UBR3: variants seen among roughly 807,000 people sequenced by gnomAD.
The protein encoded by UBR3 is ubiquitin protein ligase E3 component n-recognin 3, also known as E3 ubiquitin-protein ligase UBR3.
A neutral mutation model predicts 243.2 loss-of-function variants in UBR3; 85 were observed. The observed-to-expected ratio is 0.35, with a 90% CI of 0.29 to 0.42. UBR3 has a LOEUF of 0.42. UBR3 is among the 10% of genes least tolerant of loss of function. The probability of loss-of-function intolerance (pLI) is 1.00; values close to 1 mark genes in which losing one functional copy is unlikely to be tolerated. For missense variants in UBR3, 1,686 were observed against 2,300.8 expected (o/e 0.73, Z 5.47); for synonymous variants, 748 against 799.8 (o/e 0.94, Z 1.09).
intron 29 of UBR3, among the ~76,000 whole-genome samples, chr2:170,011,932 T>G (rs1490797463): frequency 1.3e-5 from 2 of 152,142 alleles, no homozygotes; most frequent in African/African-American, 4.8e-5. Context: ...ATGACATGAA[T>G]TTCAGTAACT....
Position 170,065,802 on chromosome 2 carries a change from G to T in UBR3, c.5019+4359G>T, listed in dbSNP as rs1187585438. Among the ~76,000 whole-genome samples the T allele has an allele frequency of 2.6e-5, 4 of 151,704 alleles. No individual in the cohort carries two copies. In the East Asian group the frequency reaches 7.7e-4, roughly 29 times the overall value. ...ATAACTTGCCTTTTTACTATTTTAG[G>T]TATTCTATATAATTATGATCATATA... is the stretch of plus-strand genomic sequence containing the variant. On this transcript the variant is annotated intron_variant, in intron 35 of 38. Coordinates refer to ENST00000272793, the MANE Select transcript of UBR3 (RefSeq NM_172070.4).
intron 30 of UBR3, among the ~76,000 whole-genome samples, chr2:170,021,316 G>C (rs1243972003): frequency 6.6e-6 from 1 of 152,032 alleles, no homozygotes; most frequent in Non-Finnish European, 1.5e-5. Flanking sequence ...AGACTGGGTG[G>C]CTTATATACA....
chr2:169,827,506 T>A lies in UBR3; in HGVS notation c.-2T>A. 8.1e-7 allele frequency: 1 copy of A among 1,229,242 alleles called. No individual in the cohort carries two copies. Among genetic ancestry groups the A allele is most frequent in the Middle Eastern group, 3.1e-4 (1 of 3,198 alleles). The allele number at this position is 1,229,242 out of a possible 1,614,324, so 76.1% of individuals were successfully genotyped here. A position where few individuals can be genotyped will look rare whatever the true frequency, so the allele number is the denominator to read the frequency against. ...GGACTCTCCAAATTCTGAGCTCTCA[T>A]CATGGCGGCGGCGGCCGCGGCGGCC... On this transcript the variant is annotated 5_prime_UTR_variant, in exon 1 of 39. Transcript: ENST00000272793.
At chr2:169,845,516 G>T (rs1252337109) in intron 1 of UBR3, among the ~76,000 whole-genome samples, 1 of 145,720 alleles carries the variant, frequency 6.9e-6, no homozygotes, top group Non-Finnish European at 1.5e-5. Context: ...CGTCGTCGTC[G>T]TCGTCGTCGT....
chr2:169,927,708 G>A (rs1312358893), intron 17 of UBR3, among the ~76,000 whole-genome samples: 2 of 151,894 alleles, frequency 1.3e-5, no homozygotes, highest in Non-Finnish European at 2.9e-5. Context: ...ATTACTGAAC[G>A]TTTTATAAAA....
intron 11 of UBR3, among the ~76,000 whole-genome samples, chr2:169,920,456 T>TA (rs1398521179): frequency 2.4e-4 from 7 of 29,650 alleles, no homozygotes; most frequent in Non-Finnish European, 4.8e-4. Context: ...CCCTAAAACT[T>TA]AAAGTATAAT....
intron 13 of UBR3, 85 bp downstream of exon 13, chr2:169,924,258 T>C (rs2085818290): frequency 1.9e-6 from 2 of 1,032,600 alleles, no homozygotes; most frequent in Non-Finnish European, 2.7e-6. Context: ...TTCATTGTTA[T>C]TATAGCTGAG....
At chr2:169,843,464 C>T (rs2082365545) in intron 1 of UBR3, among the ~76,000 whole-genome samples, 1 of 152,156 alleles carries the variant, frequency 6.6e-6, no homozygotes, top group East Asian at 1.9e-4. Context: ...GAGGGCAGAC[C>T]CCTAATGATG....
At position 170,027,323 on chromosome 2, in the gene UBR3, A is replaced by T. The variant is rs570221843; in HGVS notation, c.4454-2023A>T. ...AATATCATTTAAATATCATTTAAAG[A>T]TGATATAATATCATCTTTCTGGTCT... On this transcript the variant is annotated intron_variant, in intron 30 of 38. Transcript: ENST00000272793. Among the ~76,000 whole-genome samples, 34 of 151,606 alleles carry T rather than the reference A, an allele frequency of 2.2e-4. No homozygotes were observed. The South Asian group carries it at 7.1e-3, about 32-fold the overall frequency.
intron 1 of UBR3, among the ~76,000 whole-genome samples, chr2:169,829,672 G>A (rs186695506): frequency 6.6e-6 from 1 of 152,126 alleles, no homozygotes; most frequent in Non-Finnish European, 1.5e-5. Flanking sequence ...TGATCCGCCC[G>A]CGTCGGCCTC....
intron 33 of UBR3, among the ~76,000 whole-genome samples, chr2:170,060,223 A>G (rs534973799): frequency 6.6e-6 from 1 of 152,102 alleles, no homozygotes; most frequent in African/African-American, 2.4e-5. Flanking sequence ...GGTAATTTGC[A>G]TGTTACACTT....
intron 1 of UBR3, among the ~76,000 whole-genome samples, chr2:169,828,543 C>T (rs1329377113): frequency 1.3e-5 from 2 of 151,710 alleles, no homozygotes; most frequent in African/African-American, 2.4e-5. Flanking sequence ...CAGGGAAGGA[C>T]GCTTGAGGAA....
intron 1 of UBR3, among the ~76,000 whole-genome samples, chr2:169,829,876 T>G (rs1030503718): frequency 6.6e-5 from 10 of 151,772 alleles, no homozygotes; most frequent in Middle Eastern, 3.4e-3. Context: ...TCACATCTAG[T>G]CTTCTATCTG....
At chr2:170,022,331 A>G (rs1381646492) in intron 30 of UBR3, among the ~76,000 whole-genome samples, 2 of 152,174 alleles carry the variant, frequency 1.3e-5, no homozygotes, top group South Asian at 2.1e-4. Flanking sequence ...CAGGAGAGGA[A>G]CACAACATGG....
intron 1 of UBR3, among the ~76,000 whole-genome samples, chr2:169,837,985 T>C (rs774260199): frequency 2.0e-5 from 3 of 152,220 alleles, no homozygotes; most frequent in Non-Finnish European, 2.9e-5. Flanking sequence ...ACTACTTTAT[T>C]AGAACATTAA....
intron 5 of UBR3, among the ~76,000 whole-genome samples, chr2:169,881,950 G>A (rs1299552645): frequency 0.046 from 5,418 of 118,844 alleles, 141 homozygotes; most frequent in Middle Eastern, 0.092. Context: ...AATTACATAT[G>A]TATGTATACA....
At chr2:169,898,858 C>G (rs1304400039) in intron 8 of UBR3, among the ~76,000 whole-genome samples, 1 of 148,248 alleles carries the variant, frequency 6.7e-6, no homozygotes, top group Non-Finnish European at 1.5e-5. Flanking sequence ...CCCACCACCA[C>G]GCCCAGCTAA....
In UBR3 at chr2:170,038,877, T is replaced by C. The variant is rs989096697; in HGVS notation, c.4557-2005T>C. Among the ~76,000 whole-genome samples, 14 of 152,194 alleles carry C rather than the reference T, an allele frequency of 9.2e-5. No individual in the cohort carries two copies. The East Asian group carries it at 9.7e-4, about 11-fold the overall frequency. On this transcript the variant is annotated intron_variant, in intron 31 of 38. Transcript: ENST00000272793. ...TGGCACCAGCATAATAGAATGGTTG[T>C]GACTGGGGTGGGAGTGTGCGTATAG...
intron 26 of UBR3, among the ~76,000 whole-genome samples, chr2:169,996,981 G>A (rs931453404): frequency 1.3e-5 from 2 of 150,144 alleles, no homozygotes; most frequent in Non-Finnish European, 3.0e-5. Context: ...TTACAGGCGT[G>A]AGCCACCATG....
Sources: allele counts gnomAD v4.1 joint callset (sites outside exome capture counted in the v4.1 genomes callset), GRCh38; gene constraint gnomAD v4.1.1; transcripts MANE v1.5; gene names NCBI Gene and HGNC (gene_info 2026-07-23, HGNC 2026-07-21).